TULP4: variants seen among roughly 807,000 people sequenced by gnomAD.
TULP4 encodes TUB like protein 4, also known as tubby-related protein 4.
A neutral mutation model predicts 129.0 loss-of-function variants in TULP4; 16 were observed. That is an observed-to-expected ratio of 0.12 (90% CI 0.08 to 0.19). The LOEUF (loss-of-function observed/expected upper bound fraction) is 0.19, where lower values mean the gene tolerates loss of function less well. Ranked by LOEUF, TULP4 falls within the 10% of genes least tolerant of loss-of-function variation. The pLI, the probability that TULP4 is intolerant of heterozygous loss-of-function variation, is 1.00. For missense variants in TULP4, 1,842 were observed against 2,059.1 expected, an observed-to-expected ratio of 0.89 and a Z score of 2.04; for synonymous variants, 998 against 854.0, an observed-to-expected ratio of 1.17 and a Z score of -2.94.
At chr6:158,470,169 C>T (rs1222760175) in intron 6 of TULP4, among the ~76,000 whole-genome samples, 1 of 152,234 alleles carries the variant, frequency 6.6e-6, no homozygotes, top group Non-Finnish European at 1.5e-5. Flanking sequence ...CGGCAATGGG[C>T]ACCTCGCTGG....
In TULP4 at chr6:158,502,548, C is replaced by G; in HGVS notation, c.2885C>G (p.Pro962Arg). 6.2e-7 allele frequency: 1 copy of G among 1,608,822 alleles called. No individual in the cohort carries two copies. Among genetic ancestry groups the G allele is most frequent in the Non-Finnish European group, 8.5e-7 (1 of 1,179,934 alleles). Residue 962 changes from proline to arginine, a missense_variant, in exon 13 of 14, where the codon CCT (proline) becomes CGT (arginine). Coordinates refer to ENST00000367097, the MANE Select transcript of TULP4 (RefSeq NM_020245.5). ...SIPTGDPPPY[P>R]EIASQLAQGR... is the part of the protein sequence containing the mutation. ...CCCACCGGGGACCCACCCCCGTATC[C>G]TGAAATTGCCAGCCAGCTGGCCCAG... is the stretch of plus-strand genomic sequence containing the variant.
At chr6:158,290,241 AT>A (rs1562507469) in intron 1 of TULP4, among the ~76,000 whole-genome samples, 1 of 152,192 alleles carries the variant, frequency 6.6e-6, no homozygotes, top group Non-Finnish European at 1.5e-5. Context: ...GTGAGAAGAC[AT>A]CTGCTTGTGG....
chr6:158,398,288 TATAA>T (rs1477966337), intron 1 of TULP4, among the ~76,000 whole-genome samples: 1 of 152,220 alleles, frequency 6.6e-6, no homozygotes, highest in Non-Finnish European at 1.5e-5. Flanking sequence ...ATCTGTGTAC[TATAA>T]ATCCCCTAGT....
At chr6:158,418,768 T>C (rs1778272453) in intron 2 of TULP4, among the ~76,000 whole-genome samples, 2 of 152,178 alleles carry the variant, frequency 1.3e-5, no homozygotes, top group Admixed American at 6.5e-5. Flanking sequence ...ACCAAGTCTC[T>C]AGACAAATAA....
intron 1 of TULP4, among the ~76,000 whole-genome samples, chr6:158,243,209 C>T (rs1777958849): frequency 6.6e-6 from 1 of 152,176 alleles, no homozygotes; most frequent in African/African-American, 2.4e-5. Flanking sequence ...TCTCACGTCC[C>T]TCCACTTGGA....
At chr6:158,383,548 G>T (rs1777375167) in intron 1 of TULP4, among the ~76,000 whole-genome samples, 1 of 152,202 alleles carries the variant, frequency 6.6e-6, no homozygotes. Flanking sequence ...CTTATAAAGG[G>T]AATAGAAATG....
intron 1 of TULP4, among the ~76,000 whole-genome samples, chr6:158,340,737 G>A (rs6905145): frequency 5.3e-5 from 8 of 152,056 alleles, no homozygotes; most frequent in South Asian, 4.1e-4. Flanking sequence ...AGAGTCCTTC[G>A]CAGGCCCTCA....
At chr6:158,374,074 G>T (rs1190052399) in intron 1 of TULP4, among the ~76,000 whole-genome samples, 1 of 152,118 alleles carries the variant, frequency 6.6e-6, no homozygotes, top group Non-Finnish European at 1.5e-5. Context: ...AGTGCCGTTA[G>T]GATACTATTA....
intron 1 of TULP4, among the ~76,000 whole-genome samples, chr6:158,235,697 C>G (rs1384404705): frequency 6.6e-6 from 1 of 152,116 alleles, no homozygotes; most frequent in Non-Finnish European, 1.5e-5. Flanking sequence ...TATGTATATA[C>G]CACATTTTGT....
chr6:158,333,332 G>A (rs921678960), intron 1 of TULP4, among the ~76,000 whole-genome samples: 5 of 152,300 alleles, frequency 3.3e-5, no homozygotes, highest in African/African-American at 4.8e-5. Flanking sequence ...GAGAGCTTGC[G>A]CGAAGAAGAG....
intron 1 of TULP4, among the ~76,000 whole-genome samples, chr6:158,246,297 C>G (rs1417554587): frequency 2.0e-5 from 3 of 151,718 alleles, no homozygotes; most frequent in Non-Finnish European, 4.4e-5. Context: ...GTCAGGAGAT[C>G]GAGACCACGG....
intron 1 of TULP4, among the ~76,000 whole-genome samples, chr6:158,376,862 GAC>G (rs919212307): frequency 6.6e-6 from 1 of 152,224 alleles, no homozygotes; most frequent in African/African-American, 2.4e-5. Context: ...GCCATCCCAT[GAC>G]CACAGGGAGC....
At chr6:158,393,393 G>C (rs1439743358) in intron 1 of TULP4, among the ~76,000 whole-genome samples, 1 of 152,202 alleles carries the variant, frequency 6.6e-6, no homozygotes, top group Admixed American at 6.5e-5. Flanking sequence ...GCTTCACCAG[G>C]CAGTGCCCCA....
At chr6:158,327,935 C>T (rs1316470377) in intron 1 of TULP4, among the ~76,000 whole-genome samples, 1 of 151,972 alleles carries the variant, frequency 6.6e-6, no homozygotes, top group East Asian at 1.9e-4. Flanking sequence ...TATATAATGA[C>T]CTGGGGGAGA....
chr6:158,308,649 T>C (rs1375927529), upstream of TULP4, among the ~76,000 whole-genome samples: 2 of 139,512 alleles, frequency 1.4e-5, no homozygotes, highest in South Asian at 4.8e-4. Flanking sequence ...CCCACCTCCC[T>C]CTCGGACGGG....
At chr6:158,235,357 C>T (rs542422258) in intron 1 of TULP4, among the ~76,000 whole-genome samples, 1 of 152,094 alleles carries the variant, frequency 6.6e-6, no homozygotes, top group Non-Finnish European at 1.5e-5. Context: ...GGAAACCACC[C>T]CTCTATTTTC....
At chr6:158,452,916 T>C (rs183446874) in intron 5 of TULP4, among the ~76,000 whole-genome samples, 44 of 152,338 alleles carry the variant, frequency 2.9e-4, no homozygotes, top group African/African-American at 8.7e-4. Context: ...CCCATTGATG[T>C]GAGTTCTATG....
At chr6:158,333,613 G>A (rs112999523) in intron 1 of TULP4, among the ~76,000 whole-genome samples, 1,361 of 119,962 alleles carry the variant, frequency 0.011, 14 homozygotes, top group Non-Finnish European at 0.019. Flanking sequence ...GCCTCTGTGT[G>A]AGTCTACTTA....
At chr6:158,234,333 G>T (rs1411581384) in intron 1 of TULP4, among the ~76,000 whole-genome samples, 1 of 130,592 alleles carries the variant, frequency 7.7e-6, no homozygotes, top group Non-Finnish European at 1.7e-5. Context: ...GAGATGGCGA[G>T]TAATGGAAGA....
Sources: gnomAD v4.1 joint callset for allele counts (sites outside exome capture counted in the v4.1 genomes callset) on GRCh38, gnomAD v4.1.1 for gene constraint, MANE v1.5 for transcripts, NCBI Gene and HGNC (gene_info 2026-07-23, HGNC 2026-07-21) for gene names.